CACNA1H: variants seen among roughly 807,000 people sequenced by gnomAD.
CACNA1H encodes voltage-dependent T-type calcium channel subunit alpha-1H.
In CACNA1H, 149 loss-of-function variants were observed where a neutral mutation model predicts 192.5. That is an observed-to-expected ratio of 0.77 (90% CI 0.68 to 0.89). The LOEUF is 0.89. Ranked by LOEUF, CACNA1H falls within the 40% of genes least tolerant of loss-of-function variation. CACNA1H has a pLI of 0.00. For synonymous variants in CACNA1H, 2,202 were observed against 1,475.2 expected, an observed-to-expected ratio of 1.49 and a Z score of -11.29; for missense variants, 4,257 against 3,423.5, an observed-to-expected ratio of 1.24 and a Z score of -6.08.
Position 1,162,700 on chromosome 16 carries a change from G to C in CACNA1H, c.299+8664G>C, listed in dbSNP as rs1006296949. On this transcript the variant is annotated intron_variant, in intron 2 of 34. Transcript: ENST00000348261. The stretch of plus-strand genomic sequence containing the variant: ...TCTTGGGACCCTGTGAAGGGGTCTG[G>C]GGGCCGCACTTGGCTCTGGTGAGCA... 1.2e-4 allele frequency among the ~76,000 whole-genome samples: 18 copies of C among 151,942 alleles called. 1 individual carries two copies. The highest frequency in any genetic ancestry group is 5.9e-4 in the Admixed American group (9 of 15,262).
At chr16:1,156,539 CA>C (rs1478758173) in intron 2 of CACNA1H, among the ~76,000 whole-genome samples, 1 of 152,092 alleles carries the variant, frequency 6.6e-6, no homozygotes, top group East Asian at 1.9e-4. Context: ...CAGGAGGCGG[CA>C]GGGGCGGTGG....
Position 1,215,227 on chromosome 16 carries a change from C to G in CACNA1H, c.5040-15C>G. On this transcript the variant is annotated splice_polypyrimidine_tract_variant and intron_variant, in intron 28 of 34. Transcript: ENST00000348261. ...GGGGACCCCAGACGTGTGCGCTGAG[C>G]CTCCGGCCACACAGGTGGAACCAGC... The G allele has an allele frequency of 1.3e-6, 2 of 1,596,308 alleles. No homozygotes were observed. The highest frequency in any genetic ancestry group is 1.7e-6 in the Non-Finnish European group (2 of 1,171,102).
chr16:1,213,944 G>C lies in CACNA1H; in HGVS notation c.4929+13G>C, dbSNP rs1567547445. 2 of 1,602,756 alleles carry C rather than the reference G, an allele frequency of 1.2e-6. No homozygotes were observed. The highest frequency in any genetic ancestry group is 3.4e-5 in the Admixed American group (2 of 58,772). On this transcript the variant is annotated intron_variant, in intron 27 of 34. Coordinates refer to ENST00000348261, the MANE Select transcript of CACNA1H (RefSeq NM_021098.3). Reference sequence around the variant, plus strand: ...TAACCAACCCAAGGTGGGTGCGAGGGGGCCGCGAGGGGCCCAGGGGCTGGG... The same window carrying C: ...TAACCAACCCAAGGTGGGTGCGAGGCGGCCGCGAGGGGCCCAGGGGCTGGG...
At position 1,171,277 on chromosome 16, in the gene CACNA1H, C is replaced by T. The variant is rs531627022; in HGVS notation, c.299+17241C>T. ...GCCTGCTCTGTGGGGCCCTCCTGGGCGGGCTGGGCGTCTGGGGGGATCGTG... is the reference window on the plus strand; with the variant it reads ...GCCTGCTCTGTGGGGCCCTCCTGGGTGGGCTGGGCGTCTGGGGGGATCGTG... On this transcript the variant is annotated intron_variant, in intron 2 of 34. Transcript: ENST00000348261. 1.1e-4 allele frequency among the ~76,000 whole-genome samples: 17 copies of T among 152,146 alleles called. No homozygotes were observed. The South Asian group carries it at 1.2e-3, about 11-fold the overall frequency.
chr16:1,190,136 C>A (rs1966468891), intron 2 of CACNA1H, among the ~76,000 whole-genome samples: 1 of 152,244 alleles, frequency 6.6e-6, no homozygotes, highest in South Asian at 2.1e-4. Context: ...CTCACTGCGC[C>A]ACTGCCCGGC....
At chr16:1,186,582 A>G (rs1016032419) in intron 2 of CACNA1H, among the ~76,000 whole-genome samples, 1 of 152,020 alleles carries the variant, frequency 6.6e-6, no homozygotes, top group Non-Finnish European at 1.5e-5. Flanking sequence ...GTGCCCACAC[A>G]CATGCCCCTC....
rs1013098163 is a variant in CACNA1H, at chr16:1,202,381, G to T, written c.1931G>T (p.Gly644Val). 1 of 1,552,398 alleles carries T rather than the reference G, an allele frequency of 6.4e-7. No individual in the cohort carries two copies. Among genetic ancestry groups the T allele is most frequent in the Non-Finnish European group, 8.7e-7 (1 of 1,149,804 alleles). The change falls in exon 9 of 35, where the codon GGG (glycine) becomes GTG (valine). Residue 644 changes from glycine (G) to valine (V), a missense_variant. By Grantham distance (109) the Gly-to-Val change is moderately radical. Coordinates refer to ENST00000348261, the MANE Select transcript of CACNA1H (RefSeq NM_021098.3). ...GKWAGGPPGT[G>V]GHGPLSLNSP... is the part of the protein sequence containing the mutation. ...TGGGCCGGTGGACCGCCAGGCACCG[G>T]GGGGCACGGCCCGTTGAGCTTGAAC...
At chr16:1,171,052 C>T (rs1253970970) in intron 2 of CACNA1H, among the ~76,000 whole-genome samples, 1 of 152,166 alleles carries the variant, frequency 6.6e-6, no homozygotes, top group Non-Finnish European at 1.5e-5. Context: ...GTCCCTCCCT[C>T]TTCCTGCACA....
intron 6 of CACNA1H, 112 bp from the exon 7 acceptor site, chr16:1,200,144 A>G: frequency 1.2e-6 from 1 of 861,784 alleles, no homozygotes. Flanking sequence ...ACTGGCCCTG[A>G]CCCTGATCAC....
At chr16:1,183,333 C>T (rs1025627581) in intron 2 of CACNA1H, among the ~76,000 whole-genome samples, 1 of 152,214 alleles carries the variant, frequency 6.6e-6, no homozygotes, top group Non-Finnish European at 1.5e-5. Context: ...AGTTAAAACC[C>T]TGCGGTGGCT....
At position 1,221,421 on chromosome 16, in the gene CACNA1H, A is replaced by C; in HGVS notation, c.*427A>C. On this transcript the variant is annotated 3_prime_UTR_variant, in exon 35 of 35. Coordinates refer to ENST00000348261, the MANE Select transcript of CACNA1H (RefSeq NM_021098.3). ...GTTGCAGCCACCGCGGCCCAATGTC[A>C]CCTTCACTCACAGTCTGAGTTCTTG... 3.4e-6 allele frequency: 1 copy of C among 296,142 alleles called. No individual in the cohort carries two copies. Among genetic ancestry groups the C allele is most frequent in the South Asian group, 6.3e-5 (1 of 15,782 alleles). The allele number at this position is 296,142 out of a possible 1,614,324, so 18.3% of individuals were successfully genotyped here.
chr16:1,196,079 C>G (rs759964526), intron 5 of CACNA1H, 56 bp downstream of exon 5: 2 of 1,397,822 alleles, frequency 1.4e-6, no homozygotes, highest in African/African-American at 1.4e-5. Context: ...GTCCGCCAGC[C>G]CTGCAGAGCT....
intron 6 of CACNA1H, among the ~76,000 whole-genome samples, chr16:1,199,092 C>T (rs1163943057): frequency 1.3e-5 from 1 of 78,408 alleles, no homozygotes; most frequent in Non-Finnish European, 2.9e-5. Context: ...CACCATGGCT[C>T]TGCCCACCAC....
intron 9 of CACNA1H, among the ~76,000 whole-genome samples, 163 bp downstream of exon 9, chr16:1,202,615 A>C (rs1310918572): frequency 6.6e-6 from 1 of 152,106 alleles, no homozygotes; most frequent in Non-Finnish European, 1.5e-5. Context: ...AGAAGGGGAA[A>C]GAGGCAGGTC....
In CACNA1H at chr16:1,208,166, C is replaced by G. The variant is rs952424351; in HGVS notation, c.3308C>G (p.Ser1103Cys). ...FLDAAPSLPD[S>C]RRGSSSSGDP... ...GATGCAGCCCCCAGCCTCCCAGACTCTCGGCGTGGCAGCAGCAGCTCCGGG... is the reference window on the plus strand; with the variant it reads ...GATGCAGCCCCCAGCCTCCCAGACTGTCGGCGTGGCAGCAGCAGCTCCGGG... Residue 1103 changes from serine (S) to cysteine (C), a missense_variant, in exon 16 of 35, where the codon TCT becomes TGT. Physicochemically the swap from Ser to Cys is moderately radical, Grantham distance 112. Coordinates refer to ENST00000348261, the MANE Select transcript of CACNA1H (RefSeq NM_021098.3). The G allele has an allele frequency of 1.3e-6, 2 of 1,568,508 alleles. No homozygotes were observed. The highest frequency in any genetic ancestry group is 3.7e-5 in the Admixed American group (2 of 54,162).
intron 16 of CACNA1H, among the ~76,000 whole-genome samples, chr16:1,208,664 G>C (rs1397742675): frequency 6.6e-6 from 1 of 152,198 alleles, no homozygotes; most frequent in African/African-American, 2.4e-5. Flanking sequence ...AACAGACACG[G>C]AGGATGGGAG....
intron 16 of CACNA1H, among the ~76,000 whole-genome samples, 198 bp from the exon 17 acceptor site, chr16:1,208,834 G>GCATCACCCCAGGGT (rs1969074863): frequency 6.6e-6 from 1 of 152,192 alleles, no homozygotes; most frequent in African/African-American, 2.4e-5. Flanking sequence ...CCCCCGCGAG[G>GCATCACCCCAGGGT]CGGACACCCT....
At position 1,219,064 on chromosome 16, in the gene CACNA1H, C is replaced by T. The variant is rs1407685514; in HGVS notation, c.5982C>T (p.Pro1994=). ...AVSSPARSGE[P]LHALSPRGTA... Reference sequence around the variant, plus strand: ...CGTCCCCAGCCAGGAGCGGCGAGCCCCTCCACGCCCTGTCCCCTCGGGGCA... The same window carrying T: ...CGTCCCCAGCCAGGAGCGGCGAGCCTCTCCACGCCCTGTCCCCTCGGGGCA... The change falls in exon 34 of 35, where the codon CCC becomes CCT. Residue 1994 remains proline (P), a synonymous_variant. Coordinates refer to ENST00000348261, the MANE Select transcript of CACNA1H (RefSeq NM_021098.3). 3 of 1,549,712 alleles carry T rather than the reference C, an allele frequency of 1.9e-6. No homozygotes were observed. Among genetic ancestry groups the T allele is most frequent in the Admixed American group, 2.0e-5 (1 of 50,976 alleles).
Position 1,167,481 on chromosome 16 carries a change from G to C in CACNA1H, c.299+13445G>C, listed in dbSNP as rs1265533807. On this transcript the variant is annotated intron_variant, in intron 2 of 34. Transcript: ENST00000348261. This position sits in a 1 kb window ranked among gnomAD's most constrained non-coding sequence, Gnocchi z 4.2. ...GAATAAAAAAAAAAATTATTAATGA[G>C]CTTGGTGCGGTTGCCATGGGAACCT... is the stretch of plus-strand genomic sequence containing the variant. Among the ~76,000 whole-genome samples the C allele has an allele frequency of 6.6e-6, 1 of 152,182 alleles. No homozygotes were observed. Among genetic ancestry groups the C allele is most frequent in the East Asian group, 1.9e-4 (1 of 5,188 alleles).
Sources: allele counts gnomAD v4.1 joint callset (sites outside exome capture counted in the v4.1 genomes callset), GRCh38; gene constraint gnomAD v4.1.1; non-coding constraint Gnocchi (gnomAD v3.1); transcripts MANE v1.5; gene names NCBI Gene and HGNC (gene_info 2026-07-23, HGNC 2026-07-21).